Variants in TMEM132D observed in about 807,000 individuals in gnomAD.
The protein encoded by TMEM132D is mature OL transmembrane protein.
Under a neutral mutation model 62.3 loss-of-function variants are expected in TMEM132D, and 21 were observed. That is an observed-to-expected ratio of 0.34 (90% confidence interval 0.24 to 0.49). The LOEUF is 0.49. TMEM132D is among the 20% of genes least tolerant of loss of function. The pLI is 0.99. For synonymous variants in TMEM132D, 621 were observed against 575.6 expected, an observed-to-expected ratio of 1.08 and a Z score of -1.13; for missense variants, 1,346 against 1,402.8, an observed-to-expected ratio of 0.96 and a Z score of 0.65.
chr12:129,613,526 A>AAAAAC (rs1878832999), intron 2 of TMEM132D, among the ~76,000 whole-genome samples: 1 of 152,232 alleles, frequency 6.6e-6, no homozygotes, highest in South Asian at 2.1e-4. Context: ...ATTTTTGTTC[A>AAAAAC]CATCGCTGCT....
At chr12:129,167,789 A>T (rs1173142025) in intron 5 of TMEM132D, among the ~76,000 whole-genome samples, 1 of 152,160 alleles carries the variant, frequency 6.6e-6, no homozygotes, top group South Asian at 2.1e-4. Flanking sequence ...GGCCCCCACA[A>T]CCACCCCACC....
At chr12:129,893,856 T>A (rs1402388083) in intron 1 of TMEM132D, among the ~76,000 whole-genome samples, 4 of 152,222 alleles carry the variant, frequency 2.6e-5, no homozygotes, top group Non-Finnish European at 5.9e-5. Context: ...GGTCCAGCCC[T>A]CCTGCCATGG....
At chr12:129,403,585 A>G (rs2135701592) in intron 3 of TMEM132D, among the ~76,000 whole-genome samples, 1 of 152,128 alleles carries the variant, frequency 6.6e-6, no homozygotes, top group South Asian at 2.1e-4. Context: ...AAAAGCAAGG[A>G]CCCTTCCTGA....
intron 3 of TMEM132D, among the ~76,000 whole-genome samples, chr12:129,457,082 A>G (rs906126455): frequency 6.6e-6 from 1 of 151,752 alleles, no homozygotes. Flanking sequence ...CAGCCATCCC[A>G]TTACTGGGTA....
At chr12:129,460,824 CT>C (rs898744236) in intron 3 of TMEM132D, among the ~76,000 whole-genome samples, 18 of 151,824 alleles carry the variant, frequency 1.2e-4, no homozygotes, top group South Asian at 2.1e-4. Context: ...TCATCAAGAA[CT>C]TTTTTTTTCC....
chr12:129,137,528 C>T (rs879590720), intron 5 of TMEM132D, among the ~76,000 whole-genome samples: 2 of 152,124 alleles, frequency 1.3e-5, no homozygotes, highest in East Asian at 1.9e-4. Context: ...CATCCTTCAC[C>T]CCTCTTTGAG....
chr12:129,734,078 C>T lies in TMEM132D; in HGVS notation c.80-33380G>A, dbSNP rs376700229. Among the ~76,000 whole-genome samples the T allele has an allele frequency of 2.8e-4, 43 of 152,134 alleles. 3 individuals are homozygous for T. Among genetic ancestry groups the T allele is most frequent in the Admixed American group, 1.8e-3 (27 of 15,268 alleles). ...TTAAACAGGCTGCTACTGAGAACCT[C>T]GTTTGCTCAAGACTGAAAAAGGACA... is the stretch of plus-strand genomic sequence containing the variant. On this transcript the variant is annotated intron_variant, in intron 1 of 8. Coordinates refer to ENST00000422113, the MANE Select transcript of TMEM132D (RefSeq NM_133448.3).
At chr12:129,276,501 T>C (rs539547051) in intron 4 of TMEM132D, among the ~76,000 whole-genome samples, 2 of 152,228 alleles carry the variant, frequency 1.3e-5, no homozygotes, top group East Asian at 3.9e-4. Flanking sequence ...TTGCTGTTTG[T>C]GCGGAATTAT....
chr12:129,620,505 T>C (rs908244722), intron 2 of TMEM132D, among the ~76,000 whole-genome samples: 1 of 152,060 alleles, frequency 6.6e-6, no homozygotes, highest in African/African-American at 2.4e-5. Flanking sequence ...AGGCTGAAAC[T>C]TGAGAATCAC....
intron 2 of TMEM132D, among the ~76,000 whole-genome samples, chr12:129,624,983 T>C (rs1228393712): frequency 6.6e-6 from 1 of 152,236 alleles, no homozygotes; most frequent in African/African-American, 2.4e-5. Flanking sequence ...GCGTTTCCAT[T>C]GCTCCACACC....
At chr12:129,505,908 T>C (rs1402892719) in intron 3 of TMEM132D, among the ~76,000 whole-genome samples, 1 of 152,216 alleles carries the variant, frequency 6.6e-6, no homozygotes, top group Non-Finnish European at 1.5e-5. Context: ...TAAGTTTATG[T>C]GAGTCCTTAT....
At chr12:129,308,289 T>C (rs145191462) in intron 4 of TMEM132D, among the ~76,000 whole-genome samples, 2 of 152,346 alleles carry the variant, frequency 1.3e-5, no homozygotes, top group Admixed American at 6.5e-5. Flanking sequence ...GCTCACTCCA[T>C]GGGAGTGGGA....
chr12:129,525,423 T>C (rs1593051021), intron 3 of TMEM132D, among the ~76,000 whole-genome samples: 2 of 151,962 alleles, frequency 1.3e-5, no homozygotes, highest in East Asian at 1.9e-4. Flanking sequence ...ACAGGCTCGG[T>C]ATACCACTAA....
intron 4 of TMEM132D, among the ~76,000 whole-genome samples, chr12:129,253,020 C>T: frequency 8.1e-6 from 1 of 124,094 alleles, no homozygotes; most frequent in South Asian, 2.5e-4. Context: ...GGAAGGGGAA[C>T]ATCACACACT....
chr12:129,074,477 C>T lies in TMEM132D; in HGVS notation c.2698G>A (p.Glu900Lys), dbSNP rs1457475558. 1 of 1,614,124 alleles carries T rather than the reference C, an allele frequency of 6.2e-7. No homozygotes were observed. Among genetic ancestry groups the T allele is most frequent in the Admixed American group, 1.7e-5 (1 of 60,024 alleles). Residue 900 changes from glutamate (E) to lysine (K), a missense_variant, in exon 9 of 9, where the codon GAA becomes AAA. Physicochemically the swap from Glu to Lys is moderately conservative, Grantham distance 56. Coordinates refer to ENST00000422113, the MANE Select transcript of TMEM132D (RefSeq NM_133448.3). ...AQVDLPRSNG[E>K]MDGNDLMQAS... Reference sequence around the variant, plus strand: ...TGCATAAGGTCATTCCCATCCATTTCCCCATTGCTTCTGGGGAGGTCCACC... The same window carrying T: ...TGCATAAGGTCATTCCCATCCATTTTCCCATTGCTTCTGGGGAGGTCCACC...
chr12:129,206,428 C>T lies in TMEM132D; in HGVS notation c.1443+3092G>A, dbSNP rs138087520. 5.0e-3 allele frequency among the ~76,000 whole-genome samples: 757 copies of T among 152,242 alleles called. 3 individuals are homozygous for T. The highest frequency in any genetic ancestry group is 0.014 in the Middle Eastern group (4 of 294). On this transcript the variant is annotated intron_variant, in intron 5 of 8. Transcript: ENST00000422113. Reference sequence around the variant, plus strand: ...TACCATCTCACACCAGTCAGATGGCCTATTATTAGAAAGTCAAAAAATAGC... The same window carrying T: ...TACCATCTCACACCAGTCAGATGGCTTATTATTAGAAAGTCAAAAAATAGC...
intron 8 of TMEM132D, among the ~76,000 whole-genome samples, chr12:129,077,555 A>G (rs1266160116): frequency 6.6e-6 from 1 of 152,086 alleles, no homozygotes; most frequent in Non-Finnish European, 1.5e-5. Flanking sequence ...CATCACACAC[A>G]TACACACAAC....
At chr12:129,720,977 G>C (rs1420134094) in intron 1 of TMEM132D, among the ~76,000 whole-genome samples, 2 of 152,250 alleles carry the variant, frequency 1.3e-5, no homozygotes, top group African/African-American at 4.8e-5. Flanking sequence ...CATGGCTTCA[G>C]AGGTGAGGAA....
chr12:129,129,663 T>C (rs1876314939), intron 5 of TMEM132D, among the ~76,000 whole-genome samples: 1 of 152,224 alleles, frequency 6.6e-6, no homozygotes, highest in Non-Finnish European at 1.5e-5. Context: ...GTTTCTTGAC[T>C]TTTTAATACT....
Sources: gnomAD v4.1 joint callset for allele counts (sites outside exome capture counted in the v4.1 genomes callset) on GRCh38, gnomAD v4.1.1 for gene constraint, MANE v1.5 for transcripts, NCBI Gene and HGNC (gene_info 2026-07-23, HGNC 2026-07-21) for gene names.